Variants in EXOC7 observed in about 807,000 individuals in gnomAD.
The protein encoded by EXOC7 is exocyst complex component Exo70.
Under a neutral mutation model 87.6 loss-of-function variants are expected in EXOC7, and 51 were observed. That is an observed-to-expected ratio of 0.58 (90% CI 0.46 to 0.73). The LOEUF (loss-of-function observed/expected upper bound fraction) is 0.73, where lower values mean the gene tolerates loss of function less well. Among genes scored for constraint, EXOC7 ranks in the 30% least tolerant of loss-of-function variants. The probability of loss-of-function intolerance (pLI) is 0.00; values close to 1 mark genes in which losing one functional copy is unlikely to be tolerated. For synonymous variants in EXOC7, 327 were observed against 357.1 expected (o/e 0.92, Z 0.95); for missense variants, 744 against 888.4 (o/e 0.84, Z 2.07).
In EXOC7 at chr17:76,094,563, T is replaced by C. The variant is rs758388541; in HGVS notation, c.659A>G (p.Tyr220Cys). Residue 220 changes from tyrosine (Y) to cysteine (C), a missense_variant, in exon 6 of 19, where the codon TAC becomes TGC. This residue lies in a region of EXOC7 where 512 missense variants were observed against 573.0 expected (regional missense o/e 0.89). Coordinates refer to ENST00000589210, the MANE Select transcript of EXOC7 (RefSeq NM_001013839.4). ...GTCCAGCTGGCTGGAGCGTATCTGG[T>C]AGTAGACGTTCATGAAATCTGAGGA... ...GRNQDFMNVY[Y>C]QIRSSQLDRS... is the part of the protein sequence containing the mutation. The C allele has an allele frequency of 3.1e-6, 5 of 1,613,140 alleles. No individual in the cohort carries two copies. The highest frequency in any genetic ancestry group is 4.2e-6 in the Non-Finnish European group (5 of 1,179,730).
chr17:76,081,690 AC>A lies in EXOC7; in HGVS notation c.*1957del. ...TACAAGGTGACATTGCTGCTGAGTT[AC>A]CTCGTCCTCCACTCCTCCCTGGTGC... On this transcript the variant is annotated 3_prime_UTR_variant, in exon 19 of 19. Coordinates refer to ENST00000589210, the MANE Select transcript of EXOC7 (RefSeq NM_001013839.4). 6.2e-7 allele frequency: 1 copy of A among 1,613,954 alleles called. No individual in the cohort carries two copies. The highest frequency in any genetic ancestry group is 2.2e-5 in the East Asian group (1 of 44,862).
intron 12 of EXOC7, among the ~76,000 whole-genome samples, chr17:76,087,083 G>A (rs753440453): frequency 2.0e-5 from 3 of 152,222 alleles, no homozygotes; most frequent in Non-Finnish European, 4.4e-5. Context: ...GGAACACCCT[G>A]GAAAGTAGAG....
In EXOC7 at chr17:76,097,855, C is replaced by G; in HGVS notation, c.581G>C (p.Ser194Thr). 6.2e-7 allele frequency: 1 copy of G among 1,614,114 alleles called. No individual in the cohort carries two copies. Among genetic ancestry groups the G allele is most frequent in the Non-Finnish European group, 8.5e-7 (1 of 1,180,030 alleles). ...EDVTLEHLPESVLQDVIRISR... is the reference protein window; with the variant it reads ...EDVTLEHLPETVLQDVIRISR... ...GATGCGAATGACATCCTGGAGCACG[C>G]TCTCGGGCAGGTGCTCCAGGGTCAC... is the stretch of plus-strand genomic sequence containing the variant. The change falls in exon 5 of 19, where the codon AGC (serine) becomes ACC (threonine). Residue 194 changes from serine (S) to threonine (T), a missense_variant. Coordinates refer to ENST00000589210, the MANE Select transcript of EXOC7 (RefSeq NM_001013839.4).
chr17:76,098,996 G>A (rs1259779046), intron 4 of EXOC7, among the ~76,000 whole-genome samples: 1 of 152,104 alleles, frequency 6.6e-6, no homozygotes, highest in Non-Finnish European at 1.5e-5. Context: ...AAACTTTTGT[G>A]CTGCAAATGA....
intron 5 of EXOC7, among the ~76,000 whole-genome samples, 182 bp from the exon 6 acceptor site, chr17:76,094,763 T>G (rs1400643704): frequency 3.6e-5 from 5 of 140,150 alleles, no homozygotes; most frequent in African/African-American, 1.4e-4. Flanking sequence ...TTTTTTTTTT[T>G]GAGATAGGGT....
chr17:76,097,356 A>T (rs998084440), intron 5 of EXOC7, among the ~76,000 whole-genome samples: 3 of 152,224 alleles, frequency 2.0e-5, no homozygotes, highest in Admixed American at 6.5e-5. Flanking sequence ...TTATATTCTT[A>T]TATTGGTTCC....
At position 76,088,798 on chromosome 17, in the gene EXOC7, G is replaced by A. The variant is rs201128533; in HGVS notation, c.1173C>T (p.Thr391=). 4.4e-5 allele frequency: 71 copies of A among 1,613,846 alleles called. No homozygotes were observed. The East Asian group carries it at 1.5e-3, about 35-fold the overall frequency. The part of the protein sequence containing the change: ...VFPILRHLKQ[T]KPEFDQVLQG... The stretch of plus-strand genomic sequence containing the variant: ...GGAGCACCTGGTCAAACTCAGGCTT[G>A]GTCTGCTTGAGGTGTCGCAGGATGG... Residue 391 remains threonine, a synonymous_variant, in exon 9 of 19, where the codon ACC becomes ACT. Transcript: ENST00000589210.
chr17:76,103,730 T>G lies in EXOC7; in HGVS notation c.-38A>C. Reference sequence around the variant, plus strand: ...CGCGGCTCCCACTCCCCAGTATCTTTCCTCCGCGGGCCCACCGGGCCCCCG... The same window carrying G: ...CGCGGCTCCCACTCCCCAGTATCTTGCCTCCGCGGGCCCACCGGGCCCCCG... On this transcript the variant is annotated 5_prime_UTR_variant, in exon 1 of 19. Coordinates refer to ENST00000589210, the MANE Select transcript of EXOC7 (RefSeq NM_001013839.4). 1 of 1,570,070 alleles carries G rather than the reference T, an allele frequency of 6.4e-7. No individual in the cohort carries two copies. The highest frequency in any genetic ancestry group is 8.6e-7 in the Non-Finnish European group (1 of 1,158,968).
intron 11 of EXOC7, 23 bp from the exon 12 acceptor site, chr17:76,087,743 A>AGAAG: frequency 6.4e-7 from 1 of 1,550,390 alleles, no homozygotes; most frequent in Non-Finnish European, 8.7e-7. Flanking sequence ...AAAACGGTGC[A>AGAAG]GAAGGGCAAG....
At position 76,081,475 on chromosome 17, in the gene EXOC7, C is replaced by T; in HGVS notation, c.*2173G>A. On this transcript the variant is annotated 3_prime_UTR_variant, in exon 19 of 19. Coordinates refer to ENST00000589210, the MANE Select transcript of EXOC7 (RefSeq NM_001013839.4). ...GGGAGTGAGGATGCACGGCCAGAGGCCAGGCCCCATGCCCCCGATGCCCAC... is the reference window on the plus strand; with the variant it reads ...GGGAGTGAGGATGCACGGCCAGAGGTCAGGCCCCATGCCCCCGATGCCCAC... 1 of 1,610,424 alleles carries T rather than the reference C, an allele frequency of 6.2e-7. No homozygotes were observed. Among genetic ancestry groups the T allele is most frequent in the Non-Finnish European group, 8.5e-7 (1 of 1,178,606 alleles).
In EXOC7 at chr17:76,101,978, C is replaced by T. The variant is rs1598352476; in HGVS notation, c.127-115G>A. The T allele has an allele frequency of 4.9e-5, 39 of 790,168 alleles. 2 individuals carry two copies. The South Asian group carries it at 6.8e-4, about 14-fold the overall frequency. The allele number at this position is 790,168 out of a possible 1,614,324, so 48.9% of individuals were successfully genotyped here. The stretch of plus-strand genomic sequence containing the variant: ...CTGGTTTTCTAGACAATAAACTCCA[C>T]AAGCGAAGGAACAGGGTGTACCTGT... On this transcript the variant is annotated intron_variant, in intron 2 of 18. Coordinates refer to ENST00000589210, the MANE Select transcript of EXOC7 (RefSeq NM_001013839.4).
chr17:76,084,334 G>T, intron 16 of EXOC7, 45 bp from the exon 17 acceptor site: 1 of 1,613,136 alleles, frequency 6.2e-7, no homozygotes, highest in South Asian at 1.1e-5. Context: ...CTTCAGAGCA[G>T]AGCAGCCTTC....
rs185255857 is a variant in EXOC7, at chr17:76,085,950, G to C, written c.1495+130C>G. 3.1e-4 allele frequency: 466 copies of C among 1,509,980 alleles called. 2 individuals are homozygous for C. The African/African-American group carries it at 5.6e-3, about 18-fold the overall frequency. The allele number at this position is 1,509,980 out of a possible 1,614,324, so 93.5% of individuals were successfully genotyped here. A position where few individuals can be genotyped will look rare whatever the true frequency, so the allele number is the denominator to read the frequency against. On this transcript the variant is annotated intron_variant, in intron 13 of 18. Transcript: ENST00000589210. Reference sequence around the variant, plus strand: ...CCTCAGCCTCTGAACTAGAGGTCAGGTTGTGGTTCCAAAGATCAGATGGCA... The same window carrying C: ...CCTCAGCCTCTGAACTAGAGGTCAGCTTGTGGTTCCAAAGATCAGATGGCA...
chr17:76,099,943 A>C (rs1265415994), intron 4 of EXOC7, among the ~76,000 whole-genome samples: 1 of 152,104 alleles, frequency 6.6e-6, no homozygotes, highest in Non-Finnish European at 1.5e-5. Context: ...CTCTACAAAA[A>C]ATTTAAAACT....
intron 4 of EXOC7, among the ~76,000 whole-genome samples, chr17:76,098,583 C>T (rs11656686): frequency 0.34 from 51,507 of 151,338 alleles, 10,467 homozygotes; most frequent in South Asian, 0.64. Context: ...GCTGATTGGC[C>T]GTGCACGGTG....
rs1425489527 is a variant in EXOC7 at position 76,089,225 on chromosome 17, C to T, written c.997G>A (p.Asp333Asn). 4 of 1,614,012 alleles carry T rather than the reference C, an allele frequency of 2.5e-6. No homozygotes were observed. The highest frequency in any genetic ancestry group is 4.5e-5 in the East Asian group (2 of 44,884). The part of the protein sequence containing the change: ...LAQSEYQLLA[D>N]IIPEHHQKKT... The stretch of plus-strand genomic sequence containing the variant: ...TTCTGGTGGTGCTCGGGGATGATGT[C>T]GGCCAGCAGCTGGTACTCGCTCTGC... Residue 333 changes from aspartate to asparagine, a missense_variant, in exon 8 of 19, where the codon GAC becomes AAC. Asp to Asn is a conservative substitution (Grantham distance 23). Transcript: ENST00000589210.
chr17:76,097,161 T>C (rs2067800479), intron 5 of EXOC7, among the ~76,000 whole-genome samples: 1 of 152,208 alleles, frequency 6.6e-6, no homozygotes, highest in Admixed American at 6.5e-5. Context: ...TAAACCTTAA[T>C]AGTGCTCATC....
chr17:76,102,797 T>G (rs1387098247), intron 2 of EXOC7, among the ~76,000 whole-genome samples: 1 of 152,148 alleles, frequency 6.6e-6, no homozygotes, highest in Non-Finnish European at 1.5e-5. Flanking sequence ...GTCGCATGCA[T>G]TAGCGCATAT....
chr17:76,102,417 G>GAC (rs3073225), intron 2 of EXOC7, among the ~76,000 whole-genome samples: 6,106 of 144,042 alleles, frequency 0.042, 131 homozygotes, highest in Non-Finnish European at 0.052. Flanking sequence ...TACACACACA[G>GAC]ACACACACAC....
Sources: allele counts gnomAD v4.1 joint callset (sites outside exome capture counted in the v4.1 genomes callset), GRCh38; gene constraint gnomAD v4.1.1; regional missense constraint gnomAD v4.1.1; transcripts MANE v1.5; gene names NCBI Gene and HGNC (gene_info 2026-07-23, HGNC 2026-07-21).